HNF1A: variants seen among roughly 807,000 people sequenced by gnomAD.
The protein encoded by HNF1A is HNF1 homeobox A, also known as hepatocyte nuclear factor 1-alpha.
Under a neutral mutation model 62.2 loss-of-function variants are expected in HNF1A, and 21 were observed. The ratio of observed to expected loss-of-function variants is 0.34; its 90% CI spans 0.24 to 0.49. HNF1A has a LOEUF of 0.49. Among genes scored for constraint, HNF1A ranks in the 20% least tolerant of loss-of-function variants. HNF1A has a pLI of 0.99. For missense variants in HNF1A, 687 were observed against 832.3 expected (o/e 0.83, Z 2.15); for synonymous variants, 374 against 366.8 (o/e 1.02, Z -0.22).
Position 120,996,361 on chromosome 12 carries a change from C to T in HNF1A, c.1055C>T (p.Ser352Phe). 1 of 1,614,162 alleles carries T rather than the reference C, an allele frequency of 6.2e-7. No homozygotes were observed. Among genetic ancestry groups the T allele is most frequent in the Non-Finnish European group, 8.5e-7 (1 of 1,180,016 alleles). Residue 352 changes from serine to phenylalanine, a missense_variant, in exon 5 of 10, where the codon TCC becomes TTC. Ser to Phe is a radical substitution (Grantham distance 155). Around this residue, in one of 5 missense-constraint regions of HNF1A, gnomAD observed 408 missense variants for 455.3 expected, o/e 0.90. Coordinates refer to ENST00000257555, the MANE Select transcript of HNF1A (RefSeq NM_000545.8). The surrounding 1 kb of genome is among the most constrained non-coding windows in gnomAD (Gnocchi z 4.5). ...VTVSTPLHQV[S>F]PTGLEPSHSL... ...GTGTCTACACCCCTCCACCAAGTGT[C>T]CCCCACGGGCCTGGAGCCCAGCCAC... is the stretch of plus-strand genomic sequence containing the variant.
In HNF1A at chr12:120,979,068, G is replaced by C; in HGVS notation, c.300G>C (p.Gln100His). The C allele has an allele frequency of 6.2e-7, 1 of 1,611,298 alleles. No homozygotes were observed. Reference protein sequence around the residue: ...ENLSPEEAAHQKAVVETLLQE... With the variant: ...ENLSPEEAAHHKAVVETLLQE... ...TCAGCCCTGAGGAGGCGGCCCACCAGAAAGCCGTGGTGGAGACCCTTCTGC... is the reference window on the plus strand; with the variant it reads ...TCAGCCCTGAGGAGGCGGCCCACCACAAAGCCGTGGTGGAGACCCTTCTGC... The change falls in exon 1 of 10, where the codon CAG becomes CAC. Residue 100 changes from glutamine to histidine, a missense_variant. Around this residue, in one of 5 missense-constraint regions of HNF1A, gnomAD observed 159 missense variants for 154.4 expected, o/e 1.03. Transcript: ENST00000257555.
chr12:120,997,639 C>T lies in HNF1A; in HGVS notation c.1475C>T (p.Thr492Ile), dbSNP rs1877181655. 1 of 1,612,818 alleles carries T rather than the reference C, an allele frequency of 6.2e-7. No homozygotes were observed. The highest frequency in any genetic ancestry group is 8.5e-7 in the Non-Finnish European group (1 of 1,179,552). Residue 492 changes from threonine to isoleucine, a missense_variant, in exon 7 of 10, where the codon ACC (threonine) becomes ATC (isoleucine). Thr to Ile is a moderately conservative substitution (Grantham distance 89). This residue lies in a region of HNF1A where 408 missense variants were observed against 455.3 expected (regional missense o/e 0.90). Transcript: ENST00000257555. ...SHVTQSPFMA[T>I]MAQLQSPHAL... ...GTGACCCAGAGCCCCTTCATGGCCACCATGGCTCAGCTGCAGAGCCCCCAC... is the reference window on the plus strand; with the variant it reads ...GTGACCCAGAGCCCCTTCATGGCCATCATGGCTCAGCTGCAGAGCCCCCAC...
intron 7 of HNF1A, 55 bp from the exon 8 acceptor site, chr12:120,999,213 G>T: frequency 1.2e-6 from 2 of 1,608,842 alleles, no homozygotes; most frequent in Non-Finnish European, 1.7e-6. Context: ...TGAGGCCTGG[G>T]ACTAGGGCTG....
At chr12:120,988,259 TCC>T (rs1876619938) in intron 1 of HNF1A, among the ~76,000 whole-genome samples, 5 of 125,360 alleles carry the variant, frequency 4.0e-5, no homozygotes, top group South Asian at 6.8e-4. Context: ...CCATCATCCA[TCC>T]ACCCACCCAC....
intron 9 of HNF1A, chr12:121,000,800 C>G (rs142951336): frequency 4.7e-4 from 237 of 509,502 alleles, no homozygotes; most frequent in Non-Finnish European, 7.7e-4. Context: ...CCAACACGTA[C>G]AACTACCTAC....
At chr12:120,987,444 G>A (rs1302295872) in intron 1 of HNF1A, among the ~76,000 whole-genome samples, 1 of 143,446 alleles carries the variant, frequency 7.0e-6, no homozygotes, top group Non-Finnish European at 1.5e-5. Context: ...CACTGCACTC[G>A]AGCCTGGGTG....
At chr12:120,990,619 GGAAAGGGAGGAAAGA>G (rs1876777558) in intron 2 of HNF1A, among the ~76,000 whole-genome samples, 1 of 138,958 alleles carries the variant, frequency 7.2e-6, no homozygotes, top group African/African-American at 2.7e-5. Context: ...AGGAAAGATA[GGAAAGGGAGGAAAGA>G]TAGGAAAGGG....
chr12:120,986,284 G>T (rs1409392971), intron 1 of HNF1A, among the ~76,000 whole-genome samples: 1 of 152,164 alleles, frequency 6.6e-6, no homozygotes, highest in Non-Finnish European at 1.5e-5. Context: ...CCTCAGCGGG[G>T]TTTTTTCAGT....
At chr12:120,989,768 G>A (rs956665749) in intron 2 of HNF1A, among the ~76,000 whole-genome samples, 2 of 152,174 alleles carry the variant, frequency 1.3e-5, no homozygotes, top group Admixed American at 1.3e-4. Flanking sequence ...TGTCGACTGG[G>A]GAGTAACCTG....
intron 2 of HNF1A, among the ~76,000 whole-genome samples, chr12:120,989,922 C>T (rs1214401528): frequency 3.9e-5 from 6 of 151,932 alleles, no homozygotes; most frequent in Non-Finnish European, 7.4e-5. Context: ...GCAGAAGGAA[C>T]AGCATCAGTA....
intron 2 of HNF1A, among the ~76,000 whole-genome samples, chr12:120,990,709 G>GA (rs1876794666): frequency 2.0e-5 from 3 of 150,836 alleles, no homozygotes; most frequent in African/African-American, 7.3e-5. Flanking sequence ...GAAAAGAAAA[G>GA]AAAGAAAAAG....
intron 2 of HNF1A, among the ~76,000 whole-genome samples, chr12:120,992,294 G>A (rs1876879449): frequency 1.3e-5 from 2 of 152,212 alleles, no homozygotes; most frequent in Non-Finnish European, 2.9e-5. Context: ...GAAGCCCTGG[G>A]CTGCCATCCT....
Position 120,978,794 on chromosome 12 carries a change from A to G in HNF1A, c.26A>G (p.Gln9Arg), listed in dbSNP as rs1876081310. 6.2e-7 allele frequency: 1 copy of G among 1,613,154 alleles called. No individual in the cohort carries two copies. Among genetic ancestry groups the G allele is most frequent in the Non-Finnish European group, 8.5e-7 (1 of 1,179,910 alleles). MVSKLSQL[Q>R]TELLAALLES... ...ATGGTTTCTAAACTGAGCCAGCTGC[A>G]GACGGAGCTCCTGGCGGCCCTGCTC... The change falls in exon 1 of 10, where the codon CAG becomes CGG. Residue 9 changes from glutamine to arginine, a missense_variant. Physicochemically the swap from Gln to Arg is conservative, Grantham distance 43 (BLOSUM62 1). Around this residue, in one of 5 missense-constraint regions of HNF1A, gnomAD observed 159 missense variants for 154.4 expected, o/e 1.03. Coordinates refer to ENST00000257555, the MANE Select transcript of HNF1A (RefSeq NM_000545.8).
rs1266176817 is a variant in HNF1A, at chr12:121,001,276, C to T, written c.*84C>T. ...GCCAGCCCTGCCTGGAGGACCTGAG[C>T]CTGCCGAGCAACCGTGGCCCTTCCT... On this transcript the variant is annotated 3_prime_UTR_variant, in exon 10 of 10. Transcript: ENST00000257555. 6.5e-7 allele frequency: 1 copy of T among 1,534,946 alleles called. No individual in the cohort carries two copies. Among genetic ancestry groups the T allele is most frequent in the Non-Finnish European group, 8.9e-7 (1 of 1,124,362 alleles).
chr12:120,987,202 C>T (rs903340490), intron 1 of HNF1A, among the ~76,000 whole-genome samples: 5 of 151,958 alleles, frequency 3.3e-5, no homozygotes, highest in East Asian at 3.9e-4. Context: ...CGGCCGGGCG[C>T]GGTGGCTCAC....
chr12:120,981,258 G>A (rs934775692), intron 1 of HNF1A, among the ~76,000 whole-genome samples: 5 of 152,186 alleles, frequency 3.3e-5, no homozygotes, highest in African/African-American at 1.2e-4. Context: ...GCTGTTTCCC[G>A]GGAGAAGTCA....
chr12:120,990,617 TAGGAAAGGGAGGAAA>T (rs1303374398), intron 2 of HNF1A, among the ~76,000 whole-genome samples: 3 of 126,778 alleles, frequency 2.4e-5, no homozygotes, highest in African/African-American at 9.5e-5. Context: ...GGAGGAAAGA[TAGGAAAGGGAGGAAA>T]GATAGGAAAG....
chr12:120,988,734 A>C, intron 1 of HNF1A, 99 bp from the exon 2 acceptor site: 1 of 1,065,264 alleles, frequency 9.4e-7, no homozygotes, highest in South Asian at 1.3e-5. Flanking sequence ...CACAGTCCCC[A>C]CCCTCAGGGT....
chr12:120,989,068 G>A, intron 2 of HNF1A, 36 bp downstream of exon 2: 1 of 1,600,182 alleles, frequency 6.2e-7, no homozygotes, highest in Non-Finnish European at 8.5e-7. Context: ...TTCCCTGGGA[G>A]GGCCCAGGAC....
Sources: allele counts gnomAD v4.1 joint callset (sites outside exome capture counted in the v4.1 genomes callset), GRCh38; gene constraint gnomAD v4.1.1; regional missense constraint gnomAD v4.1.1; non-coding constraint Gnocchi (gnomAD v3.1); transcripts MANE v1.5; gene names NCBI Gene and HGNC (gene_info 2026-07-23, HGNC 2026-07-21).